EPHB1: variants seen among roughly 807,000 people sequenced by gnomAD.
EPHB1 encodes the protein EPH receptor B1.
Under a neutral mutation model 94.4 loss-of-function variants are expected in EPHB1, and 30 were observed. The ratio of observed to expected loss-of-function variants is 0.32; its 90% CI spans 0.24 to 0.43. The LOEUF (loss-of-function observed/expected upper bound fraction) is 0.43, where lower values mean the gene tolerates loss of function less well. EPHB1 is among the 20% of genes least tolerant of loss of function. EPHB1 has a pLI of 1.00. For missense variants in EPHB1, 1,055 were observed against 1,308.3 expected (o/e 0.81, Z 2.99); for synonymous variants, 522 against 489.1 (o/e 1.07, Z -0.89).
chr3:134,961,074 G>A (rs1933499329), intron 3 of EPHB1, among the ~76,000 whole-genome samples: 1 of 152,166 alleles, frequency 6.6e-6, no homozygotes, highest in Non-Finnish European at 1.5e-5. Flanking sequence ...GGTCATGCGG[G>A]TTGGATGGTC....
At chr3:134,980,300 C>G (rs1934355629) in intron 3 of EPHB1, among the ~76,000 whole-genome samples, 1 of 152,020 alleles carries the variant, frequency 6.6e-6, no homozygotes, top group South Asian at 2.1e-4. Flanking sequence ...TTATGTGGTG[C>G]TTCAGGATTC....
intron 1 of EPHB1, among the ~76,000 whole-genome samples, chr3:134,860,816 AAAG>A (rs2037241457): frequency 6.6e-6 from 1 of 151,786 alleles, no homozygotes; most frequent in African/African-American, 2.4e-5. Flanking sequence ...AAAAAAAAAA[AAAG>A]ATTTCTTGAC....
rs988707820 is a variant in EPHB1, at chr3:134,795,274, C to A, written c.-358C>A. On this transcript the variant is annotated 5_prime_UTR_variant, in exon 1 of 16. Transcript: ENST00000398015. ...CCTCCCGCGTCAGTCTGGCCGGCTC[C>A]GTCCTCCCGTAGGCTCCGCTGTAGC... 2 of 388,102 alleles carry A rather than the reference C, an allele frequency of 5.2e-6. No individual in the cohort carries two copies. The highest frequency in any genetic ancestry group is 9.3e-6 in the Non-Finnish European group (2 of 216,032). 24.0% of individuals were successfully genotyped at this position (388,102 alleles called of 1,614,324 possible).
chr3:135,194,221 T>C (rs1271748379), intron 11 of EPHB1, among the ~76,000 whole-genome samples: 3 of 152,210 alleles, frequency 2.0e-5, no homozygotes, highest in South Asian at 2.1e-4. Flanking sequence ...TTAAACATGA[T>C]AGATGGGAGA....
At chr3:134,851,123 G>A (rs541840088) in intron 1 of EPHB1, among the ~76,000 whole-genome samples, 9 of 152,344 alleles carry the variant, frequency 5.9e-5, no homozygotes, top group East Asian at 5.8e-4. Flanking sequence ...TGGGTCCAGC[G>A]AAGGGAAAGA....
At chr3:135,083,728 T>C (rs1029602881) in intron 3 of EPHB1, among the ~76,000 whole-genome samples, 2 of 152,084 alleles carry the variant, frequency 1.3e-5, no homozygotes, top group African/African-American at 4.8e-5. Context: ...CTGGAGCTTT[T>C]AGTTATGTGC....
rs565414680 is a variant in EPHB1 at position 135,207,929 on chromosome 3, C to T, written c.2346+6240C>T. Among the ~76,000 whole-genome samples, 4 of 152,296 alleles carry T rather than the reference C, an allele frequency of 2.6e-5. No homozygotes were observed. The South Asian group carries it at 6.2e-4, about 24-fold the overall frequency. Reference sequence around the variant, plus strand: ...CACATCAATCCCATCTTGGGGACTCCACCTTCATGACATAAACTAACTGCA... The same window carrying T: ...CACATCAATCCCATCTTGGGGACTCTACCTTCATGACATAAACTAACTGCA... On this transcript the variant is annotated intron_variant, in intron 12 of 15. Coordinates refer to ENST00000398015, the MANE Select transcript of EPHB1 (RefSeq NM_004441.5).
chr3:135,211,546 T>C (rs183022897), intron 12 of EPHB1, among the ~76,000 whole-genome samples: 1 of 152,340 alleles, frequency 6.6e-6, no homozygotes, highest in Admixed American at 6.5e-5. Flanking sequence ...TACTGAAATA[T>C]ATTTTTGCTA....
At position 134,951,270 on chromosome 3, in the gene EPHB1, GCCCC is replaced by G; in HGVS notation, c.124-100_124-97del. 9.5e-7 allele frequency: 1 copy of G among 1,058,048 alleles called. No individual in the cohort carries two copies. 65.5% of individuals were successfully genotyped at this position (1,058,048 alleles called of 1,614,324 possible). Reference sequence around the variant, plus strand: ...TCTGCTGGACTGGTGAGCTCTTAAGGCCCCTTAGCCCCAGGATTCTCCTCTGCTA... The same window carrying G: ...TCTGCTGGACTGGTGAGCTCTTAAGGTTAGCCCCAGGATTCTCCTCTGCTA... On this transcript the variant is annotated intron_variant, in intron 2 of 15. Transcript: ENST00000398015. This position sits in a 1 kb window ranked among gnomAD's most constrained non-coding sequence, Gnocchi z 4.5.
chr3:134,876,969 T>G (rs2037629223), intron 1 of EPHB1, among the ~76,000 whole-genome samples: 1 of 152,160 alleles, frequency 6.6e-6, no homozygotes, highest in African/African-American at 2.4e-5. Context: ...CATGCACATG[T>G]GTTACATTGA....
chr3:135,060,627 T>C (rs187135289), intron 3 of EPHB1, among the ~76,000 whole-genome samples: 1 of 152,302 alleles, frequency 6.6e-6, no homozygotes, highest in African/African-American at 2.4e-5. Context: ...GATAGCATTC[T>C]TTTTAAAACT....
In EPHB1 at chr3:135,029,315, G is replaced by C. The variant is rs550233299; in HGVS notation, c.806-77133G>C. Reference sequence around the variant, plus strand: ...CGTTAGTTGATGCAGTTTCTTCCTAGTCTGGATGGTCTTTACATTTTGGCA... The same window carrying C: ...CGTTAGTTGATGCAGTTTCTTCCTACTCTGGATGGTCTTTACATTTTGGCA... On this transcript the variant is annotated intron_variant, in intron 3 of 15. Coordinates refer to ENST00000398015, the MANE Select transcript of EPHB1 (RefSeq NM_004441.5). 1.1e-4 allele frequency among the ~76,000 whole-genome samples: 16 copies of C among 152,162 alleles called. No individual in the cohort carries two copies. In the South Asian group the frequency reaches 3.1e-3, roughly 30 times the overall value.
At chr3:135,124,250 C>G (rs1053306079) in intron 4 of EPHB1, among the ~76,000 whole-genome samples, 1 of 151,756 alleles carries the variant, frequency 6.6e-6, no homozygotes, top group Non-Finnish European at 1.5e-5. Flanking sequence ...ACACTCAGGT[C>G]TCTGTCCAGA....
At chr3:134,876,122 A>T (rs764533474) in intron 1 of EPHB1, among the ~76,000 whole-genome samples, 11 of 152,126 alleles carry the variant, frequency 7.2e-5, no homozygotes, top group Non-Finnish European at 1.6e-4. Flanking sequence ...GATAAGTGTC[A>T]TGACTCCCAT....
chr3:135,152,926 C>T (rs1941237736), intron 5 of EPHB1, among the ~76,000 whole-genome samples: 1 of 152,184 alleles, frequency 6.6e-6, no homozygotes, highest in South Asian at 2.1e-4. Context: ...GCATACCTGC[C>T]TTCAAGGTCC....
intron 9 of EPHB1, among the ~76,000 whole-genome samples, chr3:135,177,140 T>TA (rs1477396793): frequency 6.6e-6 from 1 of 152,202 alleles, no homozygotes; most frequent in African/African-American, 2.4e-5. Flanking sequence ...AGGGAGATGT[T>TA]ACCGCCCTCA....
intron 1 of EPHB1, among the ~76,000 whole-genome samples, chr3:134,908,992 T>C (rs1450318020): frequency 6.7e-6 from 1 of 149,416 alleles, no homozygotes; most frequent in Non-Finnish European, 1.5e-5. Flanking sequence ...TCAACAGAGG[T>C]AGGATGTGCC....
At chr3:134,871,976 T>C (rs2037508528) in intron 1 of EPHB1, among the ~76,000 whole-genome samples, 1 of 152,234 alleles carries the variant, frequency 6.6e-6, no homozygotes, top group African/African-American at 2.4e-5. Flanking sequence ...TGTTTTCATG[T>C]GGTGACACAG....
intron 3 of EPHB1, among the ~76,000 whole-genome samples, chr3:134,991,840 C>T (rs1934815689): frequency 6.6e-6 from 1 of 152,196 alleles, no homozygotes; most frequent in Non-Finnish European, 1.5e-5. Context: ...TTGCTGACCC[C>T]TCCAATGAGA....
Sources: gnomAD v4.1 joint callset for allele counts (sites outside exome capture counted in the v4.1 genomes callset) on GRCh38, gnomAD v4.1.1 for gene constraint, Gnocchi (gnomAD v3.1) non-coding constraint, MANE v1.5 for transcripts, NCBI Gene and HGNC (gene_info 2026-07-23, HGNC 2026-07-21) for gene names.